The following MYRFL variants were observed in gnomAD, a reference collection of about 807,000 sequenced individuals.
The protein encoded by MYRFL is myelin regulatory factor like, also known as myelin regulatory factor-like protein.
A neutral mutation model predicts 109.4 loss-of-function variants in MYRFL; 88 were observed. The observed-to-expected ratio is 0.80, with a 90% confidence interval of 0.68 to 0.96. MYRFL has a LOEUF of 0.96. MYRFL is among the 40% of genes least tolerant of loss of function. The pLI, the probability that MYRFL is intolerant of heterozygous loss-of-function variation, is 0.00. For missense variants in MYRFL, 957 were observed against 954.9 expected, an observed-to-expected ratio of 1.00 and a Z score of -0.03; for synonymous variants, 324 against 320.9, an observed-to-expected ratio of 1.01 and a Z score of -0.10.
At chr12:69,876,234 C>CG (rs1462572841) in intron 2 of MYRFL, among the ~76,000 whole-genome samples, 1 of 152,188 alleles carries the variant, frequency 6.6e-6, no homozygotes, top group Non-Finnish European at 1.5e-5. Flanking sequence ...TCCTGTGGCT[C>CG]TGACTTCAAC....
intron 2 of MYRFL, among the ~76,000 whole-genome samples, chr12:69,874,218 G>T (rs1885521555): frequency 6.6e-6 from 1 of 152,014 alleles, no homozygotes; most frequent in African/African-American, 2.4e-5. Flanking sequence ...TCAGCCTGTT[G>T]CTCAGGCTAG....
At chr12:69,834,916 T>C (rs1403375975) in intron 1 of MYRFL, among the ~76,000 whole-genome samples, 4 of 152,206 alleles carry the variant, frequency 2.6e-5, no homozygotes. Context: ...AAACTTAATA[T>C]ATTTCCAAGA....
chr12:69,946,062 T>G (rs60262498), intron 19 of MYRFL, among the ~76,000 whole-genome samples: 5,105 of 149,206 alleles, frequency 0.034, 136 homozygotes, highest in East Asian at 0.15. Flanking sequence ...GTCCATAAGA[T>G]TATATACAAT....
chr12:69,905,575 T>A (rs1954328518), intron 11 of MYRFL, among the ~76,000 whole-genome samples: 1 of 152,238 alleles, frequency 6.6e-6, no homozygotes, highest in Non-Finnish European at 1.5e-5. Flanking sequence ...GATCTGTGAC[T>A]CTGTTTTGTT....
chr12:69,870,224 C>G (rs1342449999), intron 2 of MYRFL, among the ~76,000 whole-genome samples: 2 of 78,058 alleles, frequency 2.6e-5, no homozygotes, highest in African/African-American at 5.0e-5. Context: ...GCACGTCTGG[C>G]TAATTTTTTT....
chr12:69,837,237 A>G (rs1208581226), intron 1 of MYRFL, among the ~76,000 whole-genome samples: 1 of 152,178 alleles, frequency 6.6e-6, no homozygotes, highest in African/African-American at 2.4e-5. Flanking sequence ...CGAGATGCCA[A>G]TAAATATAGT....
intron 13 of MYRFL, among the ~76,000 whole-genome samples, chr12:69,921,032 C>T (rs1439482963): frequency 6.6e-6 from 1 of 152,136 alleles, no homozygotes; most frequent in African/African-American, 2.4e-5. Context: ...TTTTACATCA[C>T]AACTGTAGAG....
chr12:69,852,848 A>G (rs1346359837), intron 1 of MYRFL, among the ~76,000 whole-genome samples: 1 of 151,994 alleles, frequency 6.6e-6, no homozygotes, highest in Non-Finnish European at 1.5e-5. Flanking sequence ...CACCGCCCTT[A>G]ATCCATTTAA....
In MYRFL at chr12:69,915,197, T is replaced by C. The variant is rs114438952; in HGVS notation, c.1602+4267T>C. 3.3e-3 allele frequency among the ~76,000 whole-genome samples: 499 copies of C among 152,264 alleles called. 3 individuals carry two copies. Among genetic ancestry groups the C allele is most frequent in the Middle Eastern group, 0.014 (4 of 294 alleles). ...AGCGAGCCTCTTGCTTTCCTGGACT[T>C]TTACCTATTCATGTGGGCAGTGTGG... On this transcript the variant is annotated intron_variant, in intron 13 of 24. Transcript: ENST00000552032.
At chr12:69,933,602 T>G (rs531261395) in intron 16 of MYRFL, among the ~76,000 whole-genome samples, 1 of 152,074 alleles carries the variant, frequency 6.6e-6, no homozygotes, top group Non-Finnish European at 1.5e-5. Flanking sequence ...TCTTGTTCCT[T>G]AGTGTTTTTG....
intron 1 of MYRFL, among the ~76,000 whole-genome samples, chr12:69,840,213 G>A (rs1883166159): frequency 6.6e-6 from 1 of 152,144 alleles, no homozygotes; most frequent in African/African-American, 2.4e-5. Flanking sequence ...CTGCCTTCAG[G>A]CTGTCTGAAT....
chr12:69,944,427 C>A (rs562287968), intron 19 of MYRFL, among the ~76,000 whole-genome samples: 1 of 143,950 alleles, frequency 6.9e-6, no homozygotes, highest in South Asian at 2.3e-4. Flanking sequence ...AGTAAACTAT[C>A]GCAAGAACAA....
At chr12:69,952,070 C>T (rs761151899) in intron 19 of MYRFL, 43 bp from the exon 20 acceptor site, 1 of 1,522,260 alleles carries the variant, frequency 6.6e-7, no homozygotes, top group Non-Finnish European at 8.8e-7. Flanking sequence ...CTTCTCTTCT[C>T]CTGAACAAGC....
chr12:69,933,780 T>C (rs981020880), intron 16 of MYRFL, among the ~76,000 whole-genome samples: 1 of 152,172 alleles, frequency 6.6e-6, no homozygotes. Flanking sequence ...ACATCCTTAG[T>C]ATTCTCTAGA....
chr12:69,854,178 C>T (rs1178207258), intron 1 of MYRFL, among the ~76,000 whole-genome samples: 1 of 152,138 alleles, frequency 6.6e-6, no homozygotes, highest in Non-Finnish European at 1.5e-5. Context: ...ACCCCGTCTC[C>T]ACCAAAAAAT....
intron 6 of MYRFL, among the ~76,000 whole-genome samples, chr12:69,888,262 A>G (rs1287382953): frequency 6.6e-6 from 1 of 152,202 alleles, no homozygotes; most frequent in African/African-American, 2.4e-5. Flanking sequence ...GCCATAATTC[A>G]CTTTTCCTAA....
chr12:69,957,988 T>G (rs1181725147), intron 23 of MYRFL, 46 bp downstream of exon 23: 1 of 1,505,320 alleles, frequency 6.6e-7, no homozygotes, highest in East Asian at 2.5e-5. Context: ...GAGGGATACA[T>G]TGAGCAAATT....
chr12:69,843,211 C>A (rs775834828), intron 1 of MYRFL, among the ~76,000 whole-genome samples: 30 of 152,316 alleles, frequency 2.0e-4, no homozygotes, highest in Admixed American at 1.2e-3. Flanking sequence ...CCTCTTCCTT[C>A]TTCTCCGAAA....
chr12:69,914,995 C>G (rs1321405922), intron 13 of MYRFL, among the ~76,000 whole-genome samples: 1 of 152,178 alleles, frequency 6.6e-6, no homozygotes, highest in Non-Finnish European at 1.5e-5. Flanking sequence ...GTGTGCTGTG[C>G]CTCACTTCTG....
Sources: gnomAD v4.1 joint callset for allele counts (sites outside exome capture counted in the v4.1 genomes callset) on GRCh38, gnomAD v4.1.1 for gene constraint, MANE v1.5 for transcripts, NCBI Gene and HGNC (gene_info 2026-07-23, HGNC 2026-07-21) for gene names.